ITGAL: variants seen among roughly 807,000 people sequenced by gnomAD.
The protein encoded by ITGAL is integrin subunit alpha L, also known as integrin alpha-L.
ITGAL carries 68 observed loss-of-function variants against 138.4 expected under a neutral mutation model. The observed-to-expected ratio is 0.49, with a 90% CI of 0.40 to 0.60. The LOEUF (loss-of-function observed/expected upper bound fraction) is 0.60, where lower values mean the gene tolerates loss of function less well. Ranked by LOEUF, ITGAL falls within the 20% of genes least tolerant of loss-of-function variation. ITGAL has a pLI of 0.00. For synonymous variants in ITGAL, 561 were observed against 584.3 expected, an observed-to-expected ratio of 0.96 and a Z score of 0.57; for missense variants, 1,256 against 1,478.6, an observed-to-expected ratio of 0.85 and a Z score of 2.47.
chr16:30,506,766 C>A lies in ITGAL; in HGVS notation c.2418C>A (p.Ser806Arg). 1 of 1,613,816 alleles carries A rather than the reference C, an allele frequency of 6.2e-7. No homozygotes were observed. The highest frequency in any genetic ancestry group is 8.5e-7 in the Non-Finnish European group (1 of 1,179,840). ...TTGCCAGCCTCTCTGTGGAGCTGAG[C>A]CTGAGTAACTTGGAAGAAGATGCTT... The part of the protein sequence containing the change: ...TAFASLSVEL[S>R]LSNLEEDAYW... The change falls in exon 21 of 31, where the codon AGC (serine) becomes AGA (arginine). Residue 806 changes from serine (S) to arginine (R), a missense_variant. Around this residue, in one of 3 missense-constraint regions of ITGAL, gnomAD observed 867 missense variants for 972.5 expected, o/e 0.89. Transcript: ENST00000356798.
intron 21 of ITGAL, 50 bp from the exon 22 acceptor site, chr16:30,510,311 G>A (rs759216518): frequency 1.8e-6 from 2 of 1,107,682 alleles, no homozygotes; most frequent in South Asian, 1.2e-5. Flanking sequence ...GCCTCTGGGG[G>A]AAACTTGGCC....
chr16:30,487,088 A>G (rs906832903), intron 9 of ITGAL, among the ~76,000 whole-genome samples: 1 of 147,236 alleles, frequency 6.8e-6, no homozygotes, highest in Admixed American at 7.0e-5. Flanking sequence ...GTTCACAGTG[A>G]GCCAAGATTG....
At position 30,523,072 on chromosome 16, in the gene ITGAL, T is replaced by C. The variant is rs540484081; in HGVS notation, c.*1407T>C. 5 of 152,360 alleles carry C rather than the reference T, an allele frequency of 3.3e-5. No homozygotes were observed. The highest frequency in any genetic ancestry group is 7.3e-5 in the Non-Finnish European group (5 of 68,134). The allele number at this position is 152,360 out of a possible 1,614,324, so 9.4% of individuals were successfully genotyped here. A position where few individuals can be genotyped will look rare whatever the true frequency, so the allele number is the denominator to read the frequency against. Reference sequence around the variant, plus strand: ...CCCAGGACCCATCACGCCTGTGCAGTGGCCCCCACAGAAAGACTGAGCTCA... The same window carrying C: ...CCCAGGACCCATCACGCCTGTGCAGCGGCCCCCACAGAAAGACTGAGCTCA... On this transcript the variant is annotated 3_prime_UTR_variant, in exon 31 of 31. Transcript: ENST00000356798.
In ITGAL at chr16:30,479,463, T is replaced by TA. The variant is rs1400885944; in HGVS notation, c.576+8dup. The TA allele has an allele frequency of 1.2e-6, 2 of 1,613,646 alleles. No individual in the cohort carries two copies. The highest frequency in any genetic ancestry group is 1.7e-6 in the Non-Finnish European group (2 of 1,179,788). ...AAACTCAGCAACACTTCGTACCAGG[T>TA]AAAAAAGTTAGTTAGGATTCTTGGT... On this transcript the variant is annotated splice_region_variant and intron_variant, in intron 6 of 30. Coordinates refer to ENST00000356798, the MANE Select transcript of ITGAL (RefSeq NM_002209.3).
At chr16:30,505,022 A>G in intron 18 of ITGAL, 1 of 356,324 alleles carries the variant, frequency 2.8e-6, no homozygotes, top group Non-Finnish European at 5.1e-6. Flanking sequence ...CAGTCTTAAA[A>G]AAAAAAAAAA....
intron 17 of ITGAL, 58 bp downstream of exon 17, chr16:30,499,547 C>A: frequency 6.4e-7 from 1 of 1,555,380 alleles, no homozygotes; most frequent in South Asian, 1.1e-5. Flanking sequence ...AGGCTCAGCT[C>A]CGTCACTGTC....
chr16:30,508,076 T>G (rs536878366), intron 21 of ITGAL, among the ~76,000 whole-genome samples: 51 of 149,218 alleles, frequency 3.4e-4, no homozygotes, highest in Non-Finnish European at 6.4e-4. Context: ...GCCCAGCTAA[T>G]TTTTTGTATT....
rs1345663322 is a variant in ITGAL at position 30,496,429 on chromosome 16, C to T, written c.1702-7C>T. The T allele has an allele frequency of 1.2e-6, 2 of 1,614,012 alleles. No individual in the cohort carries two copies. The highest frequency in any genetic ancestry group is 1.7e-6 in the Non-Finnish European group (2 of 1,179,972). ...CAGCTTAGTGGCAATTTCTTTCTTG[C>T]TCTCAGCGGATAGAAGGGACCCAAG... On this transcript the variant is annotated splice_polypyrimidine_tract_variant and splice_region_variant and intron_variant, in intron 14 of 30. Transcript: ENST00000356798.
At chr16:30,497,093 C>CCAG (rs1045073605) in intron 15 of ITGAL, among the ~76,000 whole-genome samples, 36 of 152,178 alleles carry the variant, frequency 2.4e-4, no homozygotes, top group African/African-American at 8.2e-4. Context: ...ACCTCTAATC[C>CCAG]CAGCACTTCG....
intron 24 of ITGAL, among the ~76,000 whole-genome samples, chr16:30,511,860 G>C (rs1364374741): frequency 1.3e-5 from 2 of 152,168 alleles, no homozygotes; most frequent in Admixed American, 6.6e-5. Context: ...AGCAAGAGTT[G>C]GTGGGAGGAA....
chr16:30,513,249 G>A (rs2051116003), intron 24 of ITGAL, among the ~76,000 whole-genome samples: 1 of 152,172 alleles, frequency 6.6e-6, no homozygotes. Flanking sequence ...GACAGGGATT[G>A]GGCAGGATTA....
intron 29 of ITGAL, 87 bp downstream of exon 29, chr16:30,518,806 T>C: frequency 1.0e-6 from 1 of 989,788 alleles, no homozygotes; most frequent in African/African-American, 1.6e-5. Flanking sequence ...GGAGAGCTCC[T>C]GGGCTCTGTG....
At chr16:30,474,341 G>A in intron 2 of ITGAL, 43 bp downstream of exon 2, 1 of 1,440,496 alleles carries the variant, frequency 6.9e-7, no homozygotes, top group South Asian at 1.2e-5. Context: ...GCCCGCCCTG[G>A]GGCAGCCCCC....
rs1056734646 is a variant in ITGAL at position 30,494,924 on chromosome 16, G to C, written c.1503+74G>C. 1.3e-6 allele frequency: 2 copies of C among 1,486,402 alleles called. No individual in the cohort carries two copies. Among genetic ancestry groups the C allele is most frequent in the Middle Eastern group, 1.8e-4 (1 of 5,560 alleles). 92.1% of individuals were successfully genotyped at this position (1,486,402 alleles called of 1,614,324 possible). The stretch of plus-strand genomic sequence containing the variant: ...TTCGCAGCTCCCAGTTATTCTGAAG[G>C]CTTTCTCTGTCTGGTCACGTGGCGA... On this transcript the variant is annotated intron_variant, in intron 13 of 30. Coordinates refer to ENST00000356798, the MANE Select transcript of ITGAL (RefSeq NM_002209.3). The surrounding 1 kb of genome is among the most constrained non-coding windows in gnomAD (Gnocchi z 4.2).
chr16:30,493,222 G>A (rs2050748244), intron 11 of ITGAL, among the ~76,000 whole-genome samples: 1 of 135,628 alleles, frequency 7.4e-6, no homozygotes, highest in South Asian at 2.5e-4. Flanking sequence ...TGCCAACTTT[G>A]CATTCTTCTG....
intron 7 of ITGAL, among the ~76,000 whole-genome samples, chr16:30,482,025 G>A (rs2050568471): frequency 6.6e-6 from 1 of 152,108 alleles, no homozygotes; most frequent in African/African-American, 2.4e-5. Context: ...TCAAGTAGCT[G>A]GGATTACAGA....
rs532347020 is a variant in ITGAL, at chr16:30,497,291, C to T, written c.1832+725C>T. Among the ~76,000 whole-genome samples, 543 of 150,882 alleles carry T rather than the reference C, an allele frequency of 3.6e-3. 4 individuals are homozygous for T. The highest frequency in any genetic ancestry group is 0.012 in the African/African-American group (509 of 41,180). On this transcript the variant is annotated intron_variant, in intron 15 of 30. Transcript: ENST00000356798. ...CCAGGAGGCGGAGCTTGCAGTGAGC[C>T]GAGATCGCGCCCCTGCACTCCAGCC...
intron 4 of ITGAL, among the ~76,000 whole-genome samples, chr16:30,475,803 T>C (rs2050463087): frequency 7.2e-6 from 1 of 138,596 alleles, no homozygotes; most frequent in Non-Finnish European, 1.5e-5. Context: ...CAGGCTGGAG[T>C]GCAGTGGCGT....
rs556351277 is a variant in ITGAL, at chr16:30,498,793, T to C, written c.1833-281T>C. Reference sequence around the variant, plus strand: ...GCACATGCCTGTGGTCCCAGATCCTTGGGAGGCTGAGGTGGGAGGATTACT... The same window carrying C: ...GCACATGCCTGTGGTCCCAGATCCTCGGGAGGCTGAGGTGGGAGGATTACT... On this transcript the variant is annotated intron_variant, in intron 15 of 30. Coordinates refer to ENST00000356798, the MANE Select transcript of ITGAL (RefSeq NM_002209.3). The C allele has an allele frequency of 2.6e-5, 8 of 303,648 alleles. No homozygotes were observed. In the East Asian group the frequency reaches 4.3e-4, roughly 16 times the overall value. 18.8% of individuals were successfully genotyped at this position (303,648 alleles called of 1,614,324 possible).
Sources: gnomAD v4.1 joint callset for allele counts (sites outside exome capture counted in the v4.1 genomes callset) on GRCh38, gnomAD v4.1.1 for gene constraint, gnomAD v4.1.1 regional missense constraint, Gnocchi (gnomAD v3.1) non-coding constraint, MANE v1.5 for transcripts, NCBI Gene and HGNC (gene_info 2026-07-23, HGNC 2026-07-21) for gene names.